The following CEP78 variants were observed in gnomAD, a reference collection of about 807,000 sequenced individuals.
CEP78 encodes the protein centrosomal protein of 78 kDa.
CEP78 carries 76 observed loss-of-function variants against 81.2 expected under a neutral mutation model. That is an observed-to-expected ratio of 0.94 (90% CI 0.78 to 1.13). The LOEUF (loss-of-function observed/expected upper bound fraction) is 1.13. Among genes scored for constraint, CEP78 ranks in the 50% most tolerant of loss-of-function variants. CEP78 has a pLI of 0.00. For synonymous variants in CEP78, 293 were observed against 301.4 expected, an observed-to-expected ratio of 0.97 and a Z score of 0.29; for missense variants, 918 against 846.8, an observed-to-expected ratio of 1.08 and a Z score of -1.04.
At chr9:78,251,281 T>A (rs371192423) in intron 8 of CEP78, among the ~76,000 whole-genome samples, 1 of 152,230 alleles carries the variant, frequency 6.6e-6, no homozygotes, top group East Asian at 1.9e-4. Flanking sequence ...GACAGACTTA[T>A]AGGCGGCAAC....
chr9:78,248,095 T>C (rs191103928), intron 6 of CEP78, among the ~76,000 whole-genome samples, 196 bp from the exon 7 acceptor site: 1 of 152,256 alleles, frequency 6.6e-6, no homozygotes, highest in East Asian at 1.9e-4. Context: ...TCAGGGACAA[T>C]ATGTGTGTAG....
rs769012535 is a variant in CEP78 at position 78,266,523 on chromosome 9, G to A, written c.1927G>A (p.Gly643Arg). Residue 643 changes from glycine to arginine, a missense_variant, in exon 16 of 17, where the codon GGA (glycine) becomes AGA (arginine). Gly to Arg is a moderately radical substitution (Grantham distance 125). Transcript: ENST00000643273. ...PVPVSTPEGL[G>R]TSSNNLGVPA... is the part of the protein sequence containing the mutation. Reference sequence around the variant, plus strand: ...CCCAGTTTCTACTCCAGAGGGCTTAGGAACTTCCAGCAACAACCTAGGAGT... The same window carrying A: ...CCCAGTTTCTACTCCAGAGGGCTTAAGAACTTCCAGCAACAACCTAGGAGT... 13 of 1,613,758 alleles carry A rather than the reference G, an allele frequency of 8.1e-6. No homozygotes were observed. Among genetic ancestry groups the A allele is most frequent in the Non-Finnish European group, 1.1e-5 (13 of 1,179,852 alleles).
Position 78,254,854 on chromosome 9 carries a change from ACTGTGACAGTAGAGAGTCCTTCATCCT to A in CEP78, c.1274_1300del (p.Val425_Ser433del). ...TTTTAAGCAACCAGGTTTTCCTGTG[ACTGTGACAGTAGAGAGTCCTTCATCCT>A]CTGAAGTTGAAGAGGTTGATGATTC... On this transcript the variant is annotated inframe_deletion, in exon 11 of 17. Transcript: ENST00000643273. 6.2e-7 allele frequency: 1 copy of A among 1,610,796 alleles called. No individual in the cohort carries two copies. Among genetic ancestry groups the A allele is most frequent in the South Asian group, 1.1e-5 (1 of 90,762 alleles).
chr9:78,240,254 A>G (rs1826162617), intron 2 of CEP78, 38 bp from the exon 3 acceptor site: 1 of 1,611,462 alleles, frequency 6.2e-7, no homozygotes, highest in Non-Finnish European at 8.5e-7. Flanking sequence ...AGGAAAAAAA[A>G]CCTCAATAAC....
intron 8 of CEP78, chr9:78,250,225 C>CT (rs1326691481): frequency 5.0e-6 from 2 of 397,824 alleles, no homozygotes; most frequent in African/African-American, 4.1e-5. Context: ...ATTTCTTGGG[C>CT]TTTTTTTGTA....
intron 11 of CEP78, among the ~76,000 whole-genome samples, chr9:78,258,906 C>G (rs886771774): frequency 6.6e-6 from 1 of 152,070 alleles, no homozygotes; most frequent in Non-Finnish European, 1.5e-5. Context: ...CTGCTTACAC[C>G]GGAAGTATAA....
Position 78,240,029 on chromosome 9 carries a change from A to G in CEP78, c.260A>G (p.Asp87Gly). 1 of 1,571,472 alleles carries G rather than the reference A, an allele frequency of 6.4e-7. No homozygotes were observed. The highest frequency in any genetic ancestry group is 1.2e-5 in the South Asian group (1 of 82,972). The change falls in exon 2 of 17, where the codon GAC becomes GGC. Residue 87 changes from aspartate to glycine, a missense_variant. By Grantham distance (94) the Asp-to-Gly change is moderately conservative. Transcript: ENST00000643273. Reference sequence around the variant, plus strand: ...TCTTTTATCTTTGTTTTAGGTTCTGACATGAATAAATTTTGCAGAAGTCGT... The same window carrying G: ...TCTTTTATCTTTGTTTTAGGTTCTGGCATGAATAAATTTTGCAGAAGTCGT... ...FQPWLGDTGS[D>G]MNKFCRSRVP...
intron 11 of CEP78, among the ~76,000 whole-genome samples, chr9:78,257,738 C>T (rs1024935905): frequency 6.6e-6 from 1 of 152,138 alleles, no homozygotes; most frequent in Non-Finnish European, 1.5e-5. Flanking sequence ...GAAAAAAATC[C>T]ACTTGAGCTT....
rs1827691107 is a variant in CEP78 at position 78,271,685 on chromosome 9, C to T, written c.*834C>T. On this transcript the variant is annotated 3_prime_UTR_variant, in exon 17 of 17. Coordinates refer to ENST00000643273, the MANE Select transcript of CEP78 (RefSeq NM_001330691.3). ...GCAAAATGAACAATGAACCCATTAA[C>T]GTGTGGTTTTGTTTTTTGGGTTTTT... 2 of 150,824 alleles carry T rather than the reference C, an allele frequency of 1.3e-5. No individual in the cohort carries two copies. The highest frequency in any genetic ancestry group is 1.3e-4 in the Admixed American group (2 of 15,114). The allele number at this position is 150,824 out of a possible 1,614,324, so 9.3% of individuals were successfully genotyped here. A position where few individuals can be genotyped will look rare whatever the true frequency, so the allele number is the denominator to read the frequency against.
At chr9:78,238,030 C>T (rs1171058345) in intron 1 of CEP78, among the ~76,000 whole-genome samples, 1 of 149,482 alleles carries the variant, frequency 6.7e-6, no homozygotes, top group Non-Finnish European at 1.5e-5. Flanking sequence ...GAGGCTGAGG[C>T]ACGAGAGTTG....
chr9:78,239,943 A>G (rs936306238), intron 1 of CEP78, 80 bp from the exon 2 acceptor site: 27 of 1,228,604 alleles, frequency 2.2e-5, no homozygotes, highest in African/African-American at 1.4e-4. Context: ...GCTCATTTCT[A>G]TGTCTTAGCA....
chr9:78,269,006 A>G (rs1356893173), intron 16 of CEP78, among the ~76,000 whole-genome samples: 1 of 152,120 alleles, frequency 6.6e-6, no homozygotes, highest in Non-Finnish European at 1.5e-5. Context: ...GCTAATGTTC[A>G]TTCTGAGTCT....
At position 78,246,731 on chromosome 9, in the gene CEP78, G is replaced by GA; in HGVS notation, c.844dup (p.Thr282AsnfsTer17). 6.2e-7 allele frequency: 1 copy of GA among 1,611,372 alleles called. No homozygotes were observed. The stretch of plus-strand genomic sequence containing the variant: ...AGCAAAGGCTTTGCTAGAGGCCCTT[G>GA]AAACCAATACAACTCTGGTCGTTCT... On this transcript the variant is annotated frameshift_variant, in exon 6 of 17. Coordinates refer to ENST00000643273, the MANE Select transcript of CEP78 (RefSeq NM_001330691.3). LOFTEE classifies it high-confidence loss of function.
rs185095389 is a variant in CEP78, at chr9:78,254,268, A to G, written c.1252-568A>G. Among the ~76,000 whole-genome samples, 294 of 152,052 alleles carry G rather than the reference A, an allele frequency of 1.9e-3. 2 individuals are homozygous for G. The highest frequency in any genetic ancestry group is 0.015 in the South Asian group (71 of 4,812). On this transcript the variant is annotated intron_variant, in intron 10 of 16. Transcript: ENST00000643273. ...TATTTTGTAGAGACAGGGTCTTGCT[A>G]TGTTGCTCAGGCTGGTCTCGAACTT...
At chr9:78,267,827 T>C (rs1275789729) in intron 16 of CEP78, among the ~76,000 whole-genome samples, 2 of 152,242 alleles carry the variant, frequency 1.3e-5, no homozygotes, top group Middle Eastern at 3.4e-3. Flanking sequence ...TGGTAAAATA[T>C]GCATAGATAA....
rs2118498469 is a variant in CEP78 at position 78,266,735 on chromosome 9, A to G, written c.2107+32A>G. 1 of 1,610,242 alleles carries G rather than the reference A, an allele frequency of 6.2e-7. No individual in the cohort carries two copies. The highest frequency in any genetic ancestry group is 8.5e-7 in the Non-Finnish European group (1 of 1,178,148). On this transcript the variant is annotated intron_variant, in intron 16 of 16. Coordinates refer to ENST00000643273, the MANE Select transcript of CEP78 (RefSeq NM_001330691.3). The stretch of plus-strand genomic sequence containing the variant: ...ATACCAAAAAACACTCTGATAAGCA[A>G]CACCCTGGAAAGGACCTGCATTCCT...
At chr9:78,270,683 A>G (rs1827672047) in intron 16 of CEP78, among the ~76,000 whole-genome samples, 158 bp from the exon 17 acceptor site, 1 of 152,210 alleles carries the variant, frequency 6.6e-6, no homozygotes, top group Non-Finnish European at 1.5e-5. Flanking sequence ...TCCAATTTCA[A>G]ATGGGTATTT....
intron 1 of CEP78, 173 bp downstream of exon 1, chr9:78,236,776 A>T: frequency 1.3e-6 from 1 of 767,040 alleles, no homozygotes; most frequent in Non-Finnish European, 1.9e-6. Flanking sequence ...CATCCGTAAC[A>T]TGGGCTTAAT....
In CEP78 at chr9:78,271,075, C is replaced by G. The variant is rs1346518765; in HGVS notation, c.*224C>G. 1 of 454,786 alleles carries G rather than the reference C, an allele frequency of 2.2e-6. No individual in the cohort carries two copies. The highest frequency in any genetic ancestry group is 3.7e-5 in the East Asian group (1 of 26,864). 28.2% of individuals were successfully genotyped at this position (454,786 alleles called of 1,614,324 possible). ...AGTGGGAGCTCTGACCCAAGAAATG[C>G]TGGGATCGGAGAATAAGGGAATTAT... On this transcript the variant is annotated 3_prime_UTR_variant, in exon 17 of 17. Coordinates refer to ENST00000643273, the MANE Select transcript of CEP78 (RefSeq NM_001330691.3).
Sources: gnomAD v4.1 joint callset for allele counts (sites outside exome capture counted in the v4.1 genomes callset) on GRCh38, gnomAD v4.1.1 for gene constraint, MANE v1.5 for transcripts, NCBI Gene and HGNC (gene_info 2026-07-23, HGNC 2026-07-21) for gene names.